SEL1L2: variants seen among roughly 807,000 people sequenced by gnomAD.
The protein encoded by SEL1L2 is protein sel-1 homolog 2.
In SEL1L2, 89 loss-of-function variants were observed where a neutral mutation model predicts 98.8. That is an observed-to-expected ratio of 0.90 (90% CI 0.76 to 1.07). The LOEUF (loss-of-function observed/expected upper bound fraction) is 1.07. SEL1L2 is among the 50% of genes least tolerant of loss of function. SEL1L2 has a pLI of 0.00. For synonymous variants in SEL1L2, 262 were observed against 278.5 expected (o/e 0.94, Z 0.59); for missense variants, 788 against 812.0 (o/e 0.97, Z 0.36).
chr20:13,871,357 T>A (rs2046185288), intron 12 of SEL1L2, among the ~76,000 whole-genome samples: 1 of 152,202 alleles, frequency 6.6e-6, no homozygotes, highest in Non-Finnish European at 1.5e-5. Context: ...ATTCAGCACA[T>A]GTTCAAATAT....
chr20:13,930,996 G>T (rs1452205408), intron 3 of SEL1L2, among the ~76,000 whole-genome samples: 1 of 151,622 alleles, frequency 6.6e-6, no homozygotes, highest in Non-Finnish European at 1.5e-5. Flanking sequence ...GTTGGGCCTG[G>T]TGGCACACAC....
At chr20:13,930,904 C>T (rs1884560) in intron 3 of SEL1L2, among the ~76,000 whole-genome samples, 146,686 of 151,984 alleles carry the variant, frequency 0.97, 70,903 homozygotes, top group East Asian at 1. Context: ...TTATCATCAG[C>T]ACAAATTCTG....
At chr20:13,918,886 T>C (rs2048524715) in intron 4 of SEL1L2, 135 bp downstream of exon 4, 2 of 623,530 alleles carry the variant, frequency 3.2e-6, no homozygotes, top group East Asian at 5.6e-5. Context: ...TTTGATCCTT[T>C]TAAAAACAAT....
At chr20:13,898,223 T>C (rs576259024) in intron 5 of SEL1L2, among the ~76,000 whole-genome samples, 6 of 152,236 alleles carry the variant, frequency 3.9e-5, no homozygotes, top group Non-Finnish European at 7.4e-5. Flanking sequence ...ATTAGAAGTC[T>C]ATAAAAAGAG....
rs1347323118 is a variant in SEL1L2, at chr20:13,894,956, C to A, written c.550-6444G>T. Among the ~76,000 whole-genome samples, 4 of 152,296 alleles carry A rather than the reference C, an allele frequency of 2.6e-5. 1 individual carries two copies. Among genetic ancestry groups the A allele is most frequent in the Middle Eastern group, 3.4e-3 (1 of 294 alleles). On this transcript the variant is annotated intron_variant, in intron 5 of 19. Transcript: ENST00000284951. The stretch of plus-strand genomic sequence containing the variant: ...AAATCCTTCACATTTTCCAAACTTT[C>A]CATGAGGCCAGCATTATCCTGATTC...
At chr20:13,961,702 A>C (rs2050779742) in intron 1 of SEL1L2, among the ~76,000 whole-genome samples, 1 of 152,202 alleles carries the variant, frequency 6.6e-6, no homozygotes, top group South Asian at 2.1e-4. Flanking sequence ...GACGACTCAG[A>C]AGGCAGAGCC....
intron 1 of SEL1L2, among the ~76,000 whole-genome samples, chr20:13,982,344 C>T (rs1002306966): frequency 5.3e-5 from 8 of 151,684 alleles, no homozygotes; most frequent in African/African-American, 1.7e-4. Flanking sequence ...GATCCTCTCT[C>T]TCCAAAAAAT....
chr20:13,986,030 T>C (rs1328254738), intron 1 of SEL1L2, among the ~76,000 whole-genome samples: 1 of 152,260 alleles, frequency 6.6e-6, no homozygotes, highest in Non-Finnish European at 1.5e-5. Context: ...TGTTGATCTG[T>C]TCATCAGTTG....
chr20:13,881,912 AG>A (rs879664737), intron 10 of SEL1L2, among the ~76,000 whole-genome samples: 13 of 152,320 alleles, frequency 8.5e-5, no homozygotes, highest in Admixed American at 8.5e-4. Flanking sequence ...AATAACTAGA[AG>A]AGAGGATTTT....
intron 1 of SEL1L2, among the ~76,000 whole-genome samples, chr20:13,963,598 C>A (rs2050887149): frequency 6.6e-6 from 1 of 151,962 alleles, no homozygotes; most frequent in East Asian, 1.9e-4. Context: ...TGCTTGTAGT[C>A]CCAGCTATTC....
chr20:13,925,061 C>T (rs992587956), intron 3 of SEL1L2, among the ~76,000 whole-genome samples: 8 of 152,132 alleles, frequency 5.3e-5, no homozygotes, highest in African/African-American at 1.9e-4. Flanking sequence ...ATTGCTTAAA[C>T]CCGGGAGAAG....
At chr20:13,893,583 C>T (rs1311911960) in intron 5 of SEL1L2, among the ~76,000 whole-genome samples, 2 of 152,012 alleles carry the variant, frequency 1.3e-5, no homozygotes. Flanking sequence ...TTTCAATACC[C>T]CACATTCAAT....
At chr20:13,934,180 T>C (rs960225352) in intron 2 of SEL1L2, among the ~76,000 whole-genome samples, 9 of 149,124 alleles carry the variant, frequency 6.0e-5, no homozygotes, top group Non-Finnish European at 8.9e-5. Context: ...CTTTGCATCC[T>C]CATAGCTTAG....
chr20:13,879,165 A>G (rs2046574158), intron 10 of SEL1L2, among the ~76,000 whole-genome samples: 1 of 152,188 alleles, frequency 6.6e-6, no homozygotes. Context: ...ACAAGTCACC[A>G]GTACAGAGGC....
At chr20:13,974,971 G>A (rs1259466428) in intron 1 of SEL1L2, among the ~76,000 whole-genome samples, 1 of 152,016 alleles carries the variant, frequency 6.6e-6, no homozygotes, top group Non-Finnish European at 1.5e-5. Context: ...TCTCAATCAT[G>A]GAAGCTGCAG....
rs750733078 is a variant in SEL1L2 at position 13,850,337 on chromosome 20, G to T, written c.1819-18C>A. 1.5e-5 allele frequency: 24 copies of T among 1,613,476 alleles called. 1 individual carries two copies. The South Asian group carries it at 2.1e-4, about 14-fold the overall frequency. On this transcript the variant is annotated intron_variant, in intron 18 of 19. Coordinates refer to ENST00000284951, the MANE Select transcript of SEL1L2 (RefSeq NM_025229.2). Reference sequence around the variant, plus strand: ...TGAATGTCCTAGAAGGAGAAGAATAGCCCTACCCATCAGATTCTGTAGGGG... The same window carrying T: ...TGAATGTCCTAGAAGGAGAAGAATATCCCTACCCATCAGATTCTGTAGGGG...
intron 3 of SEL1L2, among the ~76,000 whole-genome samples, chr20:13,926,433 A>T (rs2048910089): frequency 6.6e-6 from 1 of 152,222 alleles, no homozygotes. Context: ...CTTGGCTGCA[A>T]GAGAAACACC....
intron 3 of SEL1L2, among the ~76,000 whole-genome samples, 168 bp from the exon 4 acceptor site, chr20:13,919,291 C>G (rs923657628): frequency 1.3e-5 from 2 of 152,160 alleles, no homozygotes; most frequent in African/African-American, 4.8e-5. Flanking sequence ...TGAGGAGCGT[C>G]GGTAGGTCAG....
At chr20:13,935,110 G>T (rs1226793578) in intron 2 of SEL1L2, among the ~76,000 whole-genome samples, 2 of 152,188 alleles carry the variant, frequency 1.3e-5, no homozygotes, top group African/African-American at 4.8e-5. Context: ...CTTTACAGAG[G>T]TCAGTGTTTC....
Sources: gnomAD v4.1 joint callset for allele counts (sites outside exome capture counted in the v4.1 genomes callset) on GRCh38, gnomAD v4.1.1 for gene constraint, MANE v1.5 for transcripts, NCBI Gene and HGNC (gene_info 2026-07-23, HGNC 2026-07-21) for gene names.